SSH2: variants seen among roughly 807,000 people sequenced by gnomAD.
SSH2 encodes slingshot protein phosphatase 2.
A neutral mutation model predicts 135.2 loss-of-function variants in SSH2; 37 were observed. The observed-to-expected ratio is 0.27, with a 90% CI of 0.21 to 0.36. The LOEUF (loss-of-function observed/expected upper bound fraction) is 0.36. Among genes scored for constraint, SSH2 ranks in the 10% least tolerant of loss-of-function variants. The pLI is 1.00. For missense variants in SSH2, 1,408 were observed against 1,765.3 expected (o/e 0.80, Z 3.63); for synonymous variants, 628 against 646.2 (o/e 0.97, Z 0.43).
At chr17:29,770,132 C>T (rs1188456993) in intron 3 of SSH2, among the ~76,000 whole-genome samples, 1 of 133,616 alleles carries the variant, frequency 7.5e-6, no homozygotes, top group African/African-American at 2.7e-5. Flanking sequence ...CAGAGTCTCA[C>T]TCCATTACCC....
intron 3 of SSH2, among the ~76,000 whole-genome samples, chr17:29,761,992 A>G (rs2041331304): frequency 6.6e-6 from 1 of 151,308 alleles, no homozygotes; most frequent in African/African-American, 2.4e-5. Context: ...GCGATTCTCC[A>G]GCCTCAGCCT....
chr17:29,684,653 C>T lies in SSH2; in HGVS notation c.389G>A (p.Arg130Gln), dbSNP rs772807575. The T allele has an allele frequency of 1.7e-5, 27 of 1,612,980 alleles. No homozygotes were observed. In the East Asian group the frequency reaches 2.0e-4, roughly 12 times the overall value. ...TGAAACCACTACCATATAGCGTGTT[C>T]GATTCTGGTAAGTACTTTCCAGTCT... ...AVRLESTYQNRTRYMVVVSTN... is the reference protein window; with the variant it reads ...AVRLESTYQNQTRYMVVVSTN... Residue 130 changes from arginine to glutamine, a missense_variant, in exon 6 of 16, where the codon CGA becomes CAA. By Grantham distance (43) the Arg-to-Gln change is conservative. This residue lies in a region of SSH2 where 222 missense variants were observed against 355.6 expected (regional missense o/e 0.62). Coordinates refer to ENST00000540801, the MANE Select transcript of SSH2 (RefSeq NM_001282129.2).
intron 8 of SSH2, among the ~76,000 whole-genome samples, chr17:29,675,379 A>G (rs1319631794): frequency 6.6e-6 from 1 of 152,032 alleles, no homozygotes; most frequent in Non-Finnish European, 1.5e-5. Flanking sequence ...GGGGACTTCT[A>G]CTACCTAACA....
rs12450256 is a variant in SSH2, at chr17:29,861,633, G to A, written c.64-12704C>T. Reference sequence around the variant, plus strand: ...GGCTAGAGTGCAGTGGTGCGATCTCGGCTCACTGCAACCTTCCACTGCCGG... The same window carrying A: ...GGCTAGAGTGCAGTGGTGCGATCTCAGCTCACTGCAACCTTCCACTGCCGG... On this transcript the variant is annotated intron_variant, in intron 1 of 15. Coordinates refer to ENST00000540801, the MANE Select transcript of SSH2 (RefSeq NM_001282129.2). Among the ~76,000 whole-genome samples, 865 of 151,662 alleles carry A rather than the reference G, an allele frequency of 5.7e-3. 2 individuals are homozygous for A. The highest frequency in any genetic ancestry group is 0.028 in the East Asian group (142 of 5,150).
At chr17:29,841,509 T>C (rs1410116850) in intron 2 of SSH2, among the ~76,000 whole-genome samples, 1 of 152,192 alleles carries the variant, frequency 6.6e-6, no homozygotes, top group Non-Finnish European at 1.5e-5. Context: ...AACAGAAGAC[T>C]AGCCAAGGAA....
intron 2 of SSH2, among the ~76,000 whole-genome samples, chr17:29,817,101 C>G (rs2042572116): frequency 6.6e-6 from 1 of 152,192 alleles, no homozygotes; most frequent in South Asian, 2.1e-4. Flanking sequence ...ACTCTGTCAT[C>G]TGAATTTCCT....
At chr17:29,637,789 A>T (rs2035970915) in intron 14 of SSH2, among the ~76,000 whole-genome samples, 1 of 151,766 alleles carries the variant, frequency 6.6e-6, no homozygotes. Flanking sequence ...TCAAAAAAAA[A>T]ATAAAAAATA....
At chr17:29,905,349 A>G (rs1248913606) in intron 1 of SSH2, among the ~76,000 whole-genome samples, 1 of 152,192 alleles carries the variant, frequency 6.6e-6, no homozygotes, top group African/African-American at 2.4e-5. Flanking sequence ...CACACCCATG[A>G]CTGATGGTGG....
intron 1 of SSH2, among the ~76,000 whole-genome samples, chr17:29,913,347 A>AAAAATTATATATATATAT: frequency 1.0e-4 from 3 of 28,786 alleles, no homozygotes; most frequent in Non-Finnish European, 1.8e-4. Context: ...AAAAAAAAAA[A>AAAAATTATATATATATAT]ATATATATAT....
chr17:29,882,828 T>C (rs1219982396), intron 1 of SSH2, among the ~76,000 whole-genome samples: 1 of 152,192 alleles, frequency 6.6e-6, no homozygotes, highest in African/African-American at 2.4e-5. Context: ...AATTTTTTTC[T>C]TTTTAAAAAT....
chr17:29,900,267 C>A (rs1465457498), intron 1 of SSH2, among the ~76,000 whole-genome samples: 2 of 152,040 alleles, frequency 1.3e-5, no homozygotes, highest in African/African-American at 4.8e-5. Context: ...GCAACAAAAG[C>A]CAAAATAGAC....
At chr17:29,840,675 C>A (rs1483394748) in intron 2 of SSH2, among the ~76,000 whole-genome samples, 1 of 152,148 alleles carries the variant, frequency 6.6e-6, no homozygotes, top group Non-Finnish European at 1.5e-5. Flanking sequence ...ATTATGTCTG[C>A]AGACAACAGT....
intron 3 of SSH2, among the ~76,000 whole-genome samples, chr17:29,748,240 G>A (rs564760102): frequency 4.6e-5 from 7 of 152,038 alleles, no homozygotes; most frequent in African/African-American, 1.4e-4. Flanking sequence ...AATCACAAGG[G>A]TGGATAAAGC....
intron 11 of SSH2, among the ~76,000 whole-genome samples, chr17:29,664,741 C>T (rs1483797673): frequency 2.0e-5 from 3 of 152,062 alleles, no homozygotes; most frequent in African/African-American, 7.3e-5. Context: ...AATCTACTGG[C>T]ACAAATGCTC....
chr17:29,808,473 C>G (rs2042386425), intron 2 of SSH2, among the ~76,000 whole-genome samples: 1 of 152,196 alleles, frequency 6.6e-6, no homozygotes, highest in Non-Finnish European at 1.5e-5. Flanking sequence ...AAAAGTTATA[C>G]TTTGGGAGTC....
chr17:29,631,076 T>C lies in SSH2; in HGVS notation c.4118A>G (p.Tyr1373Cys). The change falls in exon 16 of 16, where the codon TAT (tyrosine) becomes TGT (cysteine). Residue 1373 changes from tyrosine (Y) to cysteine (C), a missense_variant. This residue lies in a region of SSH2 where 1,080 missense variants were observed against 1,144.5 expected (regional missense o/e 0.94). Transcript: ENST00000540801. ...SKPVERPLVQ[Y>C]AKEFGSSQQY... ...CTGACTAGAACCAAATTCTTTGGCA[T>C]ACTGCACAAGGGGCCTCTCCACTGG... is the stretch of plus-strand genomic sequence containing the variant. 6.2e-7 allele frequency: 1 copy of C among 1,614,238 alleles called. No homozygotes were observed. The highest frequency in any genetic ancestry group is 1.1e-5 in the South Asian group (1 of 91,090).
At chr17:29,761,921 C>T (rs760620041) in intron 3 of SSH2, among the ~76,000 whole-genome samples, 7 of 147,274 alleles carry the variant, frequency 4.8e-5, no homozygotes, top group Non-Finnish European at 8.9e-5. Flanking sequence ...GCTATTGTCG[C>T]CCAGGCTGGA....
intron 2 of SSH2, among the ~76,000 whole-genome samples, chr17:29,806,649 T>C (rs112083213): frequency 4.6e-5 from 7 of 152,296 alleles, no homozygotes; most frequent in South Asian, 2.1e-4. Context: ...CACAACCAGG[T>C]AAATGCCTAG....
At chr17:29,742,596 A>G (rs1014719273) in intron 3 of SSH2, among the ~76,000 whole-genome samples, 47 of 149,530 alleles carry the variant, frequency 3.1e-4, no homozygotes, top group African/African-American at 1.2e-3. Context: ...AGTCTTCCAA[A>G]GTGCTGGTAT....
Sources: allele counts gnomAD v4.1 joint callset (sites outside exome capture counted in the v4.1 genomes callset), GRCh38; gene constraint gnomAD v4.1.1; regional missense constraint gnomAD v4.1.1; transcripts MANE v1.5; gene names NCBI Gene and HGNC (gene_info 2026-07-23, HGNC 2026-07-21).